Variants in TULP4 observed in about 807,000 individuals in gnomAD.
The protein encoded by TULP4 is TUB like protein 4, also known as tubby-related protein 4.
In TULP4, 16 loss-of-function variants were observed where a neutral mutation model predicts 129.0. The observed-to-expected ratio is 0.12, with a 90% CI of 0.08 to 0.19. The LOEUF (loss-of-function observed/expected upper bound fraction) is 0.19. TULP4 is among the 10% of genes least tolerant of loss of function. TULP4 has a pLI of 1.00. For missense variants in TULP4, 1,842 were observed against 2,059.1 expected, an observed-to-expected ratio of 0.89 and a Z score of 2.04; for synonymous variants, 998 against 854.0, an observed-to-expected ratio of 1.17 and a Z score of -2.94.
intron 1 of TULP4, among the ~76,000 whole-genome samples, chr6:158,234,488 A>G (rs918274686): frequency 8.5e-5 from 13 of 152,226 alleles, no homozygotes; most frequent in African/African-American, 3.1e-4. Context: ...AGTGGCTACC[A>G]TGTGCATGGC....
At chr6:158,498,022 G>A (rs1429619152) in intron 11 of TULP4, among the ~76,000 whole-genome samples, 2 of 152,138 alleles carry the variant, frequency 1.3e-5, no homozygotes, top group East Asian at 3.8e-4. Context: ...AAATATTTTA[G>A]TTGCAATCTA....
At chr6:158,382,427 A>G (rs1025852117) in intron 1 of TULP4, among the ~76,000 whole-genome samples, 1 of 152,130 alleles carries the variant, frequency 6.6e-6, no homozygotes, top group African/African-American at 2.4e-5. Context: ...TTCCAACATT[A>G]TAGATATCTT....
chr6:158,367,759 A>C (rs1160193816), intron 1 of TULP4, among the ~76,000 whole-genome samples: 3 of 152,046 alleles, frequency 2.0e-5, no homozygotes, highest in Non-Finnish European at 4.4e-5. Flanking sequence ...AAGAATTGTA[A>C]GGCCGGTGCG....
chr6:158,308,869 C>G (rs1338482871), upstream of TULP4, among the ~76,000 whole-genome samples: 44 of 100,298 alleles, frequency 4.4e-4, no homozygotes, highest in Admixed American at 6.6e-4. Context: ...GACGGGGCGG[C>G]TGGCCGGGTG....
intron 1 of TULP4, among the ~76,000 whole-genome samples, chr6:158,354,901 A>C (rs1339380852): frequency 6.6e-6 from 1 of 151,482 alleles, no homozygotes; most frequent in East Asian, 1.9e-4. Flanking sequence ...AAAAAAAAAA[A>C]AACCAGAAAG....
intron 1 of TULP4, among the ~76,000 whole-genome samples, chr6:158,392,233 G>A (rs1184873120): frequency 2.0e-5 from 3 of 152,130 alleles, no homozygotes. Context: ...GATCTCATGA[G>A]ACTTATTCAC....
At chr6:158,450,721 A>G (rs1779145507) in intron 4 of TULP4, among the ~76,000 whole-genome samples, 1 of 150,856 alleles carries the variant, frequency 6.6e-6, no homozygotes, top group Non-Finnish European at 1.5e-5. Context: ...AGTGGGTCAA[A>G]TCTAGATTTA....
intron 11 of TULP4, among the ~76,000 whole-genome samples, 189 bp downstream of exon 11, chr6:158,495,035 T>A (rs1355398163): frequency 6.6e-6 from 1 of 152,194 alleles, no homozygotes; most frequent in Non-Finnish European, 1.5e-5. Context: ...CACATTGGCT[T>A]TTTGCCAGTG....
chr6:158,506,097 G>A (rs190681600), intron 13 of TULP4, among the ~76,000 whole-genome samples: 35 of 152,012 alleles, frequency 2.3e-4, no homozygotes, highest in African/African-American at 3.4e-4. Context: ...CTGCAAACTT[G>A]GAGTTAGATA....
chr6:158,336,417 G>T (rs1780035590), intron 1 of TULP4, among the ~76,000 whole-genome samples: 1 of 146,728 alleles, frequency 6.8e-6, no homozygotes, highest in East Asian at 1.9e-4. Flanking sequence ...CATGCAGAAG[G>T]TTTAAAACTT....
intron 1 of TULP4, among the ~76,000 whole-genome samples, chr6:158,353,463 A>C (rs1361113149): frequency 6.6e-6 from 1 of 152,262 alleles, no homozygotes; most frequent in African/African-American, 2.4e-5. Context: ...ATTTTTTGAA[A>C]TTTTGAAACC....
intron 9 of TULP4, among the ~76,000 whole-genome samples, chr6:158,492,748 C>G (rs184057790): frequency 6.6e-6 from 1 of 152,260 alleles, no homozygotes; most frequent in East Asian, 1.9e-4. Flanking sequence ...AAGCTCAAAA[C>G]CAGTATATAT....
chr6:158,318,144 A>G (rs554417103), intron 1 of TULP4, among the ~76,000 whole-genome samples: 1 of 152,162 alleles, frequency 6.6e-6, no homozygotes, highest in South Asian at 2.1e-4. Context: ...CTTTTAGTTA[A>G]TTTCTGTTCC....
intron 5 of TULP4, 91 bp downstream of exon 5, chr6:158,452,359 T>C (rs1779181120): frequency 6.6e-7 from 1 of 1,511,844 alleles, no homozygotes; most frequent in Non-Finnish European, 8.9e-7. Flanking sequence ...GCTTACTGAT[T>C]CCTGTCCTCT....
intron 1 of TULP4, among the ~76,000 whole-genome samples, chr6:158,240,723 C>G (rs1236616818): frequency 2.5e-4 from 31 of 125,636 alleles, no homozygotes; most frequent in African/African-American, 8.0e-4. Flanking sequence ...CCCTCCCGGA[C>G]GGGGCGGCTG....
chr6:158,356,541 A>G (rs1350098679), intron 1 of TULP4, among the ~76,000 whole-genome samples: 2 of 152,158 alleles, frequency 1.3e-5, no homozygotes, highest in Non-Finnish European at 2.9e-5. Flanking sequence ...TGATACTGGC[A>G]TTCTTTCAGG....
At chr6:158,448,075 G>A (rs1779090766) in intron 3 of TULP4, among the ~76,000 whole-genome samples, 1 of 152,224 alleles carries the variant, frequency 6.6e-6, no homozygotes, top group Non-Finnish European at 1.5e-5. Flanking sequence ...TGGTTGGTTG[G>A]TGGCGGCAGG....
chr6:158,482,217 T>C (rs928472295), intron 8 of TULP4, among the ~76,000 whole-genome samples: 1 of 152,138 alleles, frequency 6.6e-6, no homozygotes, highest in African/African-American at 2.4e-5. Context: ...CTGCCTCTCA[T>C]TACGACCTGG....
chr6:158,356,838 C>G (rs1327942614), intron 1 of TULP4, among the ~76,000 whole-genome samples: 2 of 152,022 alleles, frequency 1.3e-5, no homozygotes, highest in Admixed American at 6.6e-5. Context: ...TAAAGTAACT[C>G]CTTAGGAACT....
Sources: gnomAD v4.1 joint callset for allele counts (sites outside exome capture counted in the v4.1 genomes callset) on GRCh38, gnomAD v4.1.1 for gene constraint, MANE v1.5 for transcripts, NCBI Gene and HGNC (gene_info 2026-07-23, HGNC 2026-07-21) for gene names.